Variants in PIK3C2B observed in about 807,000 individuals in gnomAD.
PIK3C2B encodes the protein phosphatidylinositol 4-phosphate 3-kinase C2 domain-containing subunit beta.
PIK3C2B carries 83 observed loss-of-function variants against 184.3 expected under a neutral mutation model. The observed-to-expected ratio is 0.45, with a 90% CI of 0.38 to 0.54. The LOEUF (loss-of-function observed/expected upper bound fraction) is 0.54, where lower values mean the gene tolerates loss of function less well. Ranked by LOEUF, PIK3C2B falls within the 20% of genes least tolerant of loss-of-function variation. The pLI, the probability that PIK3C2B is intolerant of heterozygous loss-of-function variation, is 0.00. For synonymous variants in PIK3C2B, 779 were observed against 837.6 expected, an observed-to-expected ratio of 0.93 and a Z score of 1.21; for missense variants, 1,736 against 2,113.5, an observed-to-expected ratio of 0.82 and a Z score of 3.50.
At chr1:204,472,411 G>C (rs1258484670) in intron 1 of PIK3C2B, among the ~76,000 whole-genome samples, 2 of 151,682 alleles carry the variant, frequency 1.3e-5, no homozygotes, top group African/African-American at 4.8e-5. Context: ...GATCCACCCA[G>C]CTCGGCCTCC....
chr1:204,425,827 G>T (rs1279327586), intron 31 of PIK3C2B, 86 bp from the exon 32 acceptor site: 8 of 1,271,688 alleles, frequency 6.3e-6, no homozygotes, highest in Non-Finnish European at 9.0e-6. Flanking sequence ...CTCTGATCCA[G>T]ACTCTCATCT....
In PIK3C2B at chr1:204,445,967, G is replaced by C; in HGVS notation, c.2667C>G (p.Leu889=). ...ATGTTACAACTCACGTGGCATGCAG[G>C]AGCCCCAGGGCATCCTGGTGGTTCA... ...THMNHQDALG[L]LHATFPDQEV... The change falls in exon 16 of 33, where the codon CTC becomes CTG. Residue 889 remains leucine, a synonymous_variant. Transcript: ENST00000684373. 1 of 1,530,804 alleles carries C rather than the reference G, an allele frequency of 6.5e-7. No homozygotes were observed. 94.8% of individuals were successfully genotyped at this position (1,530,804 alleles called of 1,614,324 possible). A position where few individuals can be genotyped will look rare whatever the true frequency, so the allele number is the denominator to read the frequency against.
At chr1:204,439,405 T>C (rs1443950276) in intron 22 of PIK3C2B, among the ~76,000 whole-genome samples, 4 of 152,338 alleles carry the variant, frequency 2.6e-5, no homozygotes, top group Non-Finnish European at 5.9e-5. Flanking sequence ...ATTGTCAACA[T>C]TTTGCTAATC....
chr1:204,492,782 C>G (rs1241697121), intron 1 of PIK3C2B, among the ~76,000 whole-genome samples: 3 of 152,130 alleles, frequency 2.0e-5, no homozygotes, highest in Non-Finnish European at 2.9e-5. Context: ...GACAAGCAGC[C>G]GGGTCTGAGA....
At chr1:204,478,809 G>A (rs1227703996) in intron 1 of PIK3C2B, among the ~76,000 whole-genome samples, 3 of 152,214 alleles carry the variant, frequency 2.0e-5, no homozygotes, top group African/African-American at 7.2e-5. Flanking sequence ...CAAGAGTTTA[G>A]TGGAAGTCTT....
rs761375423 is a variant in PIK3C2B, at chr1:204,464,616, GA to G, written c.1035-13del. Reference sequence around the variant, plus strand: ...AGCCAGATCGAAGGCTGTACAGGAAGAAAAAAAACCCTCACTGTGCCTTTAG... The same window carrying G: ...AGCCAGATCGAAGGCTGTACAGGAAGAAAAAAACCCTCACTGTGCCTTTAG... On this transcript the variant is annotated splice_polypyrimidine_tract_variant and intron_variant, in intron 3 of 32. Coordinates refer to ENST00000684373, the MANE Select transcript of PIK3C2B (RefSeq NM_001377334.1). 6 of 1,604,996 alleles carry G rather than the reference GA, an allele frequency of 3.7e-6. No individual in the cohort carries two copies. Among genetic ancestry groups the G allele is most frequent in the East Asian group, 2.2e-5 (1 of 44,824 alleles).
intron 31 of PIK3C2B, among the ~76,000 whole-genome samples, chr1:204,426,470 A>G (rs1301959891): frequency 6.6e-6 from 1 of 151,940 alleles, no homozygotes; most frequent in Non-Finnish European, 1.5e-5. Flanking sequence ...CACCTTCTCC[A>G]TCTTGCTAAG....
intron 9 of PIK3C2B, among the ~76,000 whole-genome samples, chr1:204,457,336 A>G (rs964090161): frequency 6.6e-6 from 1 of 152,216 alleles, no homozygotes. Flanking sequence ...CACAGTGCCT[A>G]TGGTGCTGGC....
At chr1:204,456,965 A>T in intron 10 of PIK3C2B, 72 bp downstream of exon 10, 1 of 1,321,832 alleles carries the variant, frequency 7.6e-7, no homozygotes, top group South Asian at 1.3e-5. Flanking sequence ...GCCCAGGCAG[A>T]AAAAGGAATC....
intron 1 of PIK3C2B, chr1:204,490,029 C>T (rs548929172): frequency 1.1e-4 from 43 of 397,342 alleles, no homozygotes; most frequent in African/African-American, 5.4e-4. Flanking sequence ...GAGGAATGAG[C>T]CACGTGTGTG....
chr1:204,457,160 C>T, intron 9 of PIK3C2B, 90 bp from the exon 10 acceptor site: 1 of 1,127,656 alleles, frequency 8.9e-7, no homozygotes, highest in Non-Finnish European at 1.3e-6. Flanking sequence ...CTGCGCTCAT[C>T]TGGACCAGAA....
intron 1 of PIK3C2B, among the ~76,000 whole-genome samples, chr1:204,471,936 A>C (rs1656310691): frequency 6.8e-6 from 1 of 146,324 alleles, no homozygotes; most frequent in Admixed American, 7.1e-5. Flanking sequence ...CGGCTACCTG[A>C]TGTCTTACAG....
intron 1 of PIK3C2B, among the ~76,000 whole-genome samples, chr1:204,477,134 T>C (rs1656770340): frequency 6.6e-6 from 1 of 152,190 alleles, no homozygotes; most frequent in African/African-American, 2.4e-5. Context: ...AAACTTAACA[T>C]TGACAACAAT....
intron 1 of PIK3C2B, among the ~76,000 whole-genome samples, chr1:204,480,759 G>A (rs145623623): frequency 6.6e-6 from 1 of 151,930 alleles, no homozygotes; most frequent in African/African-American, 2.4e-5. Context: ...AGCAGAAAAA[G>A]GCAGAGCCAG....
intron 4 of PIK3C2B, 29 bp from the exon 5 acceptor site, chr1:204,464,161 C>T: frequency 6.2e-7 from 1 of 1,611,524 alleles, no homozygotes; most frequent in Non-Finnish European, 8.5e-7. Flanking sequence ...GGGGAGCAAT[C>T]ATGATGGATG....
chr1:204,432,014 A>G (rs1289845833), intron 27 of PIK3C2B, among the ~76,000 whole-genome samples, 186 bp downstream of exon 27: 2 of 152,288 alleles, frequency 1.3e-5, no homozygotes, highest in Admixed American at 6.5e-5. Flanking sequence ...TAACCATCCA[A>G]TTCAGCTACC....
intron 1 of PIK3C2B, among the ~76,000 whole-genome samples, chr1:204,473,581 T>C (rs1368972450): frequency 6.6e-6 from 1 of 152,222 alleles, no homozygotes; most frequent in Admixed American, 6.5e-5. Context: ...TTAAGTATGT[T>C]AATCCAGAGA....
In PIK3C2B at chr1:204,439,030, T is replaced by C; in HGVS notation, c.3421A>G (p.Ile1141Val). The C allele has an allele frequency of 6.2e-7, 1 of 1,614,038 alleles. No individual in the cohort carries two copies. The highest frequency in any genetic ancestry group is 8.5e-7 in the Non-Finnish European group (1 of 1,179,996). Reference protein sequence around the residue: ...MIPNAETLRKIQVEHGVTGSF... With the variant: ...MIPNAETLRKVQVEHGVTGSF... The stretch of plus-strand genomic sequence containing the variant: ...CCGGTCACCCCATGCTCCACCTGGA[T>C]CTTACGCAGGGTCTCAGCATTAGGG... Residue 1141 changes from isoleucine (I) to valine (V), a missense_variant, in exon 23 of 33, where the codon ATC (isoleucine) becomes GTC (valine). Physicochemically the swap from Ile to Val is conservative, Grantham distance 29 (BLOSUM62 3). This residue lies in a region of PIK3C2B where 289 missense variants were observed against 380.4 expected (regional missense o/e 0.76). Transcript: ENST00000684373.
chr1:204,489,713 G>C (rs471542), intron 1 of PIK3C2B: 2 of 389,022 alleles, frequency 5.1e-6, no homozygotes, highest in Non-Finnish European at 9.1e-6. Context: ...TCTGCTTTCA[G>C]AAAATGAGGG....
Sources: allele counts gnomAD v4.1 joint callset (sites outside exome capture counted in the v4.1 genomes callset), GRCh38; gene constraint gnomAD v4.1.1; regional missense constraint gnomAD v4.1.1; transcripts MANE v1.5; gene names NCBI Gene and HGNC (gene_info 2026-07-23, HGNC 2026-07-21).